The following ZPLD1 variants were observed in gnomAD, a reference collection of about 807,000 sequenced individuals.
ZPLD1 encodes the protein zona pellucida like domain containing 1.
Under a neutral mutation model 47.2 loss-of-function variants are expected in ZPLD1, and 34 were observed. The ratio of observed to expected loss-of-function variants is 0.72; its 90% CI spans 0.55 to 0.96. ZPLD1 has a LOEUF of 0.96. ZPLD1 is among the 40% of genes least tolerant of loss of function. The probability of loss-of-function intolerance (pLI) is 0.00; values close to 1 mark genes in which losing one functional copy is unlikely to be tolerated. For synonymous variants in ZPLD1, 176 were observed against 186.2 expected, an observed-to-expected ratio of 0.95 and a Z score of 0.45; for missense variants, 512 against 505.8, an observed-to-expected ratio of 1.01 and a Z score of -0.12.
chr3:102,434,501 A>T (rs1707057022), upstream of ZPLD1, among the ~76,000 whole-genome samples: 1 of 152,150 alleles, frequency 6.6e-6, no homozygotes, highest in African/African-American at 2.4e-5. Context: ...TGAGATACAG[A>T]TGTCTCTTTT....
At chr3:102,467,842 C>T (rs1707621318) in intron 8 of ZPLD1, among the ~76,000 whole-genome samples, 1 of 149,502 alleles carries the variant, frequency 6.7e-6, no homozygotes, top group African/African-American at 2.5e-5. Context: ...ACTGTACACA[C>T]ACACACACAC....
intron 7 of ZPLD1, among the ~76,000 whole-genome samples, chr3:102,412,005 G>T (rs1173312053): frequency 6.6e-6 from 1 of 151,732 alleles, no homozygotes; most frequent in Non-Finnish European, 1.5e-5. Context: ...GTGAGGGGTT[G>T]ATGTATTCCT....
At chr3:102,456,526 CTCTA>C (rs1021208948) in intron 5 of ZPLD1, 152 bp downstream of exon 5, 12 of 650,638 alleles carry the variant, frequency 1.8e-5, no homozygotes, top group South Asian at 1.4e-4. Context: ...ATATATTTAC[CTCTA>C]TCTGTTTATC....
chr3:102,388,566 A>G (rs1356004240), intron 6 of ZPLD1, among the ~76,000 whole-genome samples: 3 of 151,692 alleles, frequency 2.0e-5, no homozygotes, highest in Admixed American at 1.3e-4. Flanking sequence ...TACTCCCTAA[A>G]TTATGTCAGT....
chr3:102,449,488 G>A (rs1312236960), intron 3 of ZPLD1, among the ~76,000 whole-genome samples: 1 of 152,138 alleles, frequency 6.6e-6, no homozygotes, highest in Non-Finnish European at 1.5e-5. Flanking sequence ...ACATTTTAAA[G>A]TGTATGCCGT....
intron 8 of ZPLD1, among the ~76,000 whole-genome samples, chr3:102,425,721 TTCATC>T (rs1324229109): frequency 2.0e-5 from 3 of 152,068 alleles, no homozygotes; most frequent in African/African-American, 4.8e-5. Context: ...TTAGATTATG[TTCATC>T]TCATCCGGGA....
At position 102,452,916 on chromosome 3, in the gene ZPLD1, C is replaced by T. The variant is rs1576156458; in HGVS notation, c.107-3C>T. 6.2e-7 allele frequency: 1 copy of T among 1,610,900 alleles called. No individual in the cohort carries two copies. The highest frequency in any genetic ancestry group is 8.5e-7 in the Non-Finnish European group (1 of 1,177,816). The stretch of plus-strand genomic sequence containing the variant: ...GTTTGTTTTTTATATATTTTTATTT[C>T]AGCTGAAAGAGACATCAGTGTCTAT... On this transcript the variant is annotated splice_polypyrimidine_tract_variant and splice_region_variant and intron_variant, in intron 3 of 11. Transcript: ENST00000466937.
chr3:102,456,244 G>A lies in ZPLD1; in HGVS notation c.379G>A (p.Val127Ile), dbSNP rs1446030048. The A allele has an allele frequency of 6.2e-7, 1 of 1,613,734 alleles. No individual in the cohort carries two copies. Among genetic ancestry groups the A allele is most frequent in the Non-Finnish European group, 8.5e-7 (1 of 1,179,838 alleles). The change falls in exon 5 of 12, where the codon GTA becomes ATA. Residue 127 changes from valine to isoleucine, a missense_variant. Physicochemically the swap from Val to Ile is conservative, Grantham distance 29 (BLOSUM62 3). Coordinates refer to ENST00000466937, the MANE Select transcript of ZPLD1 (RefSeq NM_001329788.2). ...SAYGNATSVQ[V>I]GNISGYIDTP... Reference sequence around the variant, plus strand: ...TTATGGAAATGCAACTTCAGTGCAAGTAGGAAATATTTCAGGATATATTGA... The same window carrying A: ...TTATGGAAATGCAACTTCAGTGCAAATAGGAAATATTTCAGGATATATTGA...
intron 6 of ZPLD1, among the ~76,000 whole-genome samples, chr3:102,390,055 C>G (rs145926673): frequency 1.3e-5 from 2 of 152,072 alleles, no homozygotes; most frequent in East Asian, 3.9e-4. Flanking sequence ...TGTGTTACAC[C>G]CTCCTTATGA....
rs184537743 is a variant in ZPLD1, at chr3:102,424,773, G to A, written c.-9+6566G>A. 2.5e-3 allele frequency among the ~76,000 whole-genome samples: 386 copies of A among 152,284 alleles called. 1 individual carries two copies. Among genetic ancestry groups the A allele is most frequent in the South Asian group, 0.011 (53 of 4,830 alleles). ...ACAGTACATACACAGTGCTCTCTAAGATGTTCCCTTCCATTCCAATACTTT... is the reference window on the plus strand; with the variant it reads ...ACAGTACATACACAGTGCTCTCTAAAATGTTCCCTTCCATTCCAATACTTT... On this transcript the variant is annotated intron_variant, in intron 8 of 17. Coordinates refer to the ZPLD1 transcript ENST00000491959.
intron 2 of ZPLD1, 21 bp from the exon 3 acceptor site, chr3:102,438,459 T>C: frequency 1.3e-6 from 2 of 1,571,726 alleles, no homozygotes; most frequent in Non-Finnish European, 1.8e-6. Flanking sequence ...AGTGTCCACA[T>C]GATAGATATC....
chr3:102,429,160 A>G (rs1706986020), intron 8 of ZPLD1, among the ~76,000 whole-genome samples: 1 of 152,186 alleles, frequency 6.6e-6, no homozygotes, highest in South Asian at 2.1e-4. Flanking sequence ...AGTTCATGTC[A>G]TTGTTGTTAT....
At chr3:102,458,810 C>T (rs543343807) in intron 6 of ZPLD1, among the ~76,000 whole-genome samples, 2 of 152,142 alleles carry the variant, frequency 1.3e-5, no homozygotes, top group Admixed American at 6.5e-5. Context: ...AAGCTGTCGG[C>T]CGGGTGCTGT....
intron 1 of ZPLD1, 139 bp downstream of exon 1, chr3:102,435,293 T>C (rs772102725): frequency 1.6e-4 from 144 of 883,712 alleles, no homozygotes; most frequent in Admixed American, 3.9e-4. Context: ...ACTGCCTTTA[T>C]AAGAGATATG....
At chr3:102,446,628 C>A (rs1213176991) in intron 3 of ZPLD1, among the ~76,000 whole-genome samples, 4 of 152,098 alleles carry the variant, frequency 2.6e-5, no homozygotes, top group African/African-American at 9.7e-5. Flanking sequence ...AAGCTACAAA[C>A]CTACACATCA....
chr3:102,388,455 C>CTGTGTG (rs55700835), intron 6 of ZPLD1, among the ~76,000 whole-genome samples: 120 of 135,490 alleles, frequency 8.9e-4, no homozygotes, highest in Non-Finnish European at 1.3e-3. Flanking sequence ...CTCTCTCTGT[C>CTGTGTG]TGTGTGTGTG....
intron 7 of ZPLD1, among the ~76,000 whole-genome samples, chr3:102,400,486 C>T (rs1388842123): frequency 6.6e-6 from 1 of 151,870 alleles, no homozygotes; most frequent in Non-Finnish European, 1.5e-5. Context: ...GGGGATAAGC[C>T]GGGGGTCCCT....
chr3:102,477,368 G>T, intron 11 of ZPLD1, 75 bp from the exon 12 acceptor site: 1 of 1,420,438 alleles, frequency 7.0e-7, no homozygotes. Flanking sequence ...AAGATGTTTT[G>T]CAGGTAAAAT....
At chr3:102,460,952 C>T (rs555818205) in intron 6 of ZPLD1, among the ~76,000 whole-genome samples, 6 of 151,982 alleles carry the variant, frequency 3.9e-5, no homozygotes, top group African/African-American at 1.4e-4. Flanking sequence ...ACCTATCAGA[C>T]ATGGTTAGAG....
Sources: gnomAD v4.1 joint callset for allele counts (sites outside exome capture counted in the v4.1 genomes callset) on GRCh38, gnomAD v4.1.1 for gene constraint, MANE v1.5 for transcripts, NCBI Gene and HGNC (gene_info 2026-07-23, HGNC 2026-07-21) for gene names.